The following SUCLG2 variants were observed in gnomAD, a reference collection of about 807,000 sequenced individuals.
SUCLG2 encodes succinate-CoA ligase GDP-forming subunit beta, also known as succinate--CoA ligase [GDP-forming] subunit beta, mitochondrial.
SUCLG2 carries 42 observed loss-of-function variants against 47.9 expected under a neutral mutation model. The ratio of observed to expected loss-of-function variants is 0.88; its 90% CI spans 0.69 to 1.14. The LOEUF (loss-of-function observed/expected upper bound fraction) is 1.14, where lower values mean the gene tolerates loss of function less well. Among genes scored for constraint, SUCLG2 ranks in the 50% most tolerant of loss-of-function variants. SUCLG2 has a pLI of 0.00. For synonymous variants in SUCLG2, 195 were observed against 197.3 expected, an observed-to-expected ratio of 0.99 and a Z score of 0.10; for missense variants, 571 against 525.9, an observed-to-expected ratio of 1.09 and a Z score of -0.84.
intron 2 of SUCLG2, among the ~76,000 whole-genome samples, chr3:67,592,119 C>T (rs1353928853): frequency 1.3e-5 from 2 of 152,120 alleles, no homozygotes; most frequent in East Asian, 1.9e-4. Flanking sequence ...ACTTAAGACA[C>T]AGGAAAGTTA....
In SUCLG2 at chr3:67,652,180, AATGACACTAAGCATC is replaced by A. The variant is rs1192949628; in HGVS notation, c.84+2308_84+2322del. Among the ~76,000 whole-genome samples, 6 of 151,320 alleles carry A rather than the reference AATGACACTAAGCATC, an allele frequency of 4.0e-5. No homozygotes were observed. In the South Asian group the frequency reaches 6.2e-4, roughly 16 times the overall value. ...AAGGTGAAAAAAAAAAAAAAACTTC[AATGACACTAAGCATC>A]AGGAATATGTGTCAAATGTTAAATT... On this transcript the variant is annotated intron_variant, in intron 1 of 10. Transcript: ENST00000307227.
intron 5 of SUCLG2, among the ~76,000 whole-genome samples, chr3:67,518,794 T>A (rs1706020207): frequency 1.3e-5 from 2 of 152,174 alleles, no homozygotes; most frequent in South Asian, 4.1e-4. Flanking sequence ...TACAAAATGA[T>A]ATTGTCTCAA....
chr3:67,504,563 T>A (rs765593903), intron 7 of SUCLG2, among the ~76,000 whole-genome samples: 3 of 152,180 alleles, frequency 2.0e-5, no homozygotes, highest in Non-Finnish European at 2.9e-5. Flanking sequence ...CAAGAATTCT[T>A]AATCTCTAGA....
chr3:67,502,349 C>T (rs1010929872), intron 7 of SUCLG2, among the ~76,000 whole-genome samples: 1 of 152,148 alleles, frequency 6.6e-6, no homozygotes, highest in Non-Finnish European at 1.5e-5. Context: ...AATGTTGTGC[C>T]ATCTAAATGA....
At chr3:67,636,087 G>A (rs1212303785) in intron 1 of SUCLG2, among the ~76,000 whole-genome samples, 1 of 152,160 alleles carries the variant, frequency 6.6e-6, no homozygotes, top group Non-Finnish European at 1.5e-5. Flanking sequence ...ACTAACTCAT[G>A]AACAGGGACA....
intron 9 of SUCLG2, among the ~76,000 whole-genome samples, chr3:67,444,252 A>C (rs1467545790): frequency 5.2e-5 from 2 of 38,194 alleles, no homozygotes; most frequent in African/African-American, 9.5e-5. Flanking sequence ...GGAGCCCCTC[A>C]GCCCGGCCAG....
chr3:67,590,792 T>C (rs1043154089), intron 2 of SUCLG2, among the ~76,000 whole-genome samples: 3 of 152,218 alleles, frequency 2.0e-5, no homozygotes, highest in Non-Finnish European at 4.4e-5. Context: ...GGTTTGGCTT[T>C]TCACCGCCTT....
At chr3:67,640,130 G>A (rs572809513) in intron 1 of SUCLG2, among the ~76,000 whole-genome samples, 5 of 152,126 alleles carry the variant, frequency 3.3e-5, no homozygotes, top group Admixed American at 1.3e-4. Flanking sequence ...AAATTTCTCC[G>A]TGACAAAATC....
At chr3:67,583,063 T>C (rs1379805421) in intron 2 of SUCLG2, among the ~76,000 whole-genome samples, 1 of 152,094 alleles carries the variant, frequency 6.6e-6, no homozygotes, top group Non-Finnish European at 1.5e-5. Context: ...CTGTCTTTCT[T>C]TTACCACTGA....
chr3:67,549,019 G>C (rs1448507195), intron 2 of SUCLG2, among the ~76,000 whole-genome samples: 1 of 152,100 alleles, frequency 6.6e-6, no homozygotes, highest in Non-Finnish European at 1.5e-5. Flanking sequence ...CATGAACATA[G>C]TAACTCTTTA....
chr3:67,377,914 A>C (rs977693845), intron 10 of SUCLG2, among the ~76,000 whole-genome samples: 1 of 152,180 alleles, frequency 6.6e-6, no homozygotes, highest in African/African-American at 2.4e-5. Flanking sequence ...GTGGCCTCCC[A>C]AAATGCTGGG....
At chr3:67,494,485 G>A (rs1248890312) in intron 9 of SUCLG2, among the ~76,000 whole-genome samples, 1 of 152,034 alleles carries the variant, frequency 6.6e-6, no homozygotes, top group Non-Finnish European at 1.5e-5. Flanking sequence ...AATTGGCCAG[G>A]CATGGTGGCA....
At chr3:67,478,509 A>C (rs1704826346) in intron 9 of SUCLG2, among the ~76,000 whole-genome samples, 1 of 152,242 alleles carries the variant, frequency 6.6e-6, no homozygotes, top group African/African-American at 2.4e-5. Context: ...AATCCTAAAA[A>C]TGGAAAACTA....
chr3:67,560,482 G>A (rs1707280495), intron 2 of SUCLG2, among the ~76,000 whole-genome samples: 1 of 152,152 alleles, frequency 6.6e-6, no homozygotes, highest in South Asian at 2.1e-4. Context: ...CCCTGAGTCT[G>A]CCAACCACTA....
intron 9 of SUCLG2, among the ~76,000 whole-genome samples, chr3:67,457,661 T>C (rs984878755): frequency 1.4e-5 from 2 of 140,478 alleles, no homozygotes; most frequent in African/African-American, 2.7e-5. Context: ...TATCTACTTA[T>C]AACAACAAAA....
At chr3:67,410,526 C>A (rs1262806356) in intron 9 of SUCLG2, among the ~76,000 whole-genome samples, 1 of 152,108 alleles carries the variant, frequency 6.6e-6, no homozygotes. Context: ...GTTCCCGTAT[C>A]CTTTTGAACT....
intron 1 of SUCLG2, among the ~76,000 whole-genome samples, chr3:67,617,624 A>T (rs1191578350): frequency 6.6e-6 from 1 of 152,122 alleles, no homozygotes; most frequent in African/African-American, 2.4e-5. Flanking sequence ...TTAACCAATT[A>T]ATTAGCCCCC....
chr3:67,570,323 TG>T (rs1166104396), intron 2 of SUCLG2, among the ~76,000 whole-genome samples: 2 of 152,252 alleles, frequency 1.3e-5, no homozygotes, highest in Non-Finnish European at 2.9e-5. Context: ...GCCAGTCCTG[TG>T]GCAACGTACC....
chr3:67,440,885 G>C (rs4334653), intron 9 of SUCLG2, among the ~76,000 whole-genome samples: 120,428 of 152,156 alleles, frequency 0.79, 47,934 homozygotes, highest in Admixed American at 0.87. Flanking sequence ...TGGGTATATA[G>C]ACAAAGGATT....
Sources: gnomAD v4.1 joint callset for allele counts (sites outside exome capture counted in the v4.1 genomes callset) on GRCh38, gnomAD v4.1.1 for gene constraint, MANE v1.5 for transcripts, NCBI Gene and HGNC (gene_info 2026-07-23, HGNC 2026-07-21) for gene names.